The following PRKG1 variants were observed in gnomAD, a reference collection of about 807,000 sequenced individuals.
The protein encoded by PRKG1 is cGMP-dependent protein kinase 1.
Under a neutral mutation model 88.1 loss-of-function variants are expected in PRKG1, and 35 were observed. That is an observed-to-expected ratio of 0.40 (90% CI 0.30 to 0.53). PRKG1 has a LOEUF of 0.53. PRKG1 is among the 20% of genes least tolerant of loss of function. The pLI, the probability that PRKG1 is intolerant of heterozygous loss-of-function variation, is 0.59. For missense variants in PRKG1, 540 were observed against 839.8 expected, an observed-to-expected ratio of 0.64 and a Z score of 4.41; for synonymous variants, 303 against 292.5, an observed-to-expected ratio of 1.04 and a Z score of -0.37.
intron 14 of PRKG1, among the ~76,000 whole-genome samples, chr10:52,287,365 C>T (rs1842139873): frequency 6.6e-6 from 1 of 151,822 alleles, no homozygotes; most frequent in African/African-American, 2.4e-5. Flanking sequence ...AAGCATTTTT[C>T]ACAGAAAATC....
At chr10:51,801,805 G>A (rs1410905261) in intron 3 of PRKG1, among the ~76,000 whole-genome samples, 2 of 152,088 alleles carry the variant, frequency 1.3e-5, no homozygotes, top group African/African-American at 2.4e-5. Context: ...GTGTTTAGAG[G>A]TCTCAGAGTA....
chr10:52,266,537 A>C (rs1841575082), intron 10 of PRKG1, among the ~76,000 whole-genome samples: 1 of 152,056 alleles, frequency 6.6e-6, no homozygotes. Context: ...ATGTCCCTGC[A>C]AAAGCACATG....
chr10:51,181,330 T>C lies in PRKG1; in HGVS notation c.478+28000T>C, dbSNP rs536464121. 1.9e-3 allele frequency among the ~76,000 whole-genome samples: 259 copies of C among 139,570 alleles called. 3 individuals are homozygous for C. Among genetic ancestry groups the C allele is most frequent in the African/African-American group, 6.9e-3 (257 of 37,384 alleles). 91.6% of individuals were successfully genotyped at this position (139,570 alleles called of 152,430 possible). On this transcript the variant is annotated intron_variant, in intron 2 of 17. Coordinates refer to ENST00000373980, the MANE Select transcript of PRKG1 (RefSeq NM_006258.4). Reference sequence around the variant, plus strand: ...AATCTCGGCTCACTGCAAGCTCCGCTTCCCGGGTTCACGCCATTCTCCTGC... The same window carrying C: ...AATCTCGGCTCACTGCAAGCTCCGCCTCCCGGGTTCACGCCATTCTCCTGC...
intron 3 of PRKG1, among the ~76,000 whole-genome samples, chr10:51,795,272 A>G (rs1044977712): frequency 6.6e-6 from 1 of 152,128 alleles, no homozygotes; most frequent in East Asian, 1.9e-4. Context: ...ACTCCCTTCC[A>G]ATGTATGAAT....
At chr10:52,121,416 C>G (rs143235530) in intron 7 of PRKG1, among the ~76,000 whole-genome samples, 49 of 152,278 alleles carry the variant, frequency 3.2e-4, no homozygotes, top group African/African-American at 1.2e-3. Flanking sequence ...GTTTACATGG[C>G]CAGTCTGAGA....
At chr10:52,000,030 T>G (rs1268632083) in intron 5 of PRKG1, among the ~76,000 whole-genome samples, 2 of 152,134 alleles carry the variant, frequency 1.3e-5, no homozygotes, top group Non-Finnish European at 2.9e-5. Flanking sequence ...TTCTGATTTT[T>G]TAATGCATTT....
chr10:52,205,601 G>T (rs1589698854), intron 9 of PRKG1, among the ~76,000 whole-genome samples: 1 of 152,100 alleles, frequency 6.6e-6, no homozygotes, highest in Non-Finnish European at 1.5e-5. Context: ...TGTAAGGCAG[G>T]TCTGCTAGTA....
chr10:52,150,248 A>C (rs11000970), intron 8 of PRKG1, among the ~76,000 whole-genome samples: 8,712 of 151,666 alleles, frequency 0.057, 511 homozygotes, highest in East Asian at 0.35. Flanking sequence ...ACCAAATCTT[A>C]GACACAACTA....
At chr10:51,659,228 G>C (rs1840235736) in intron 3 of PRKG1, among the ~76,000 whole-genome samples, 1 of 152,054 alleles carries the variant, frequency 6.6e-6, no homozygotes, top group Non-Finnish European at 1.5e-5. Flanking sequence ...TAGAGAACAA[G>C]CATAAATATA....
At chr10:52,176,473 C>T (rs936354823) in intron 9 of PRKG1, among the ~76,000 whole-genome samples, 1 of 151,868 alleles carries the variant, frequency 6.6e-6, no homozygotes, top group African/African-American at 2.4e-5. Context: ...CACCCTACCA[C>T]CCACCACCAG....
intron 2 of PRKG1, among the ~76,000 whole-genome samples, chr10:51,305,921 TC>T (rs1265358674): frequency 6.6e-6 from 1 of 152,180 alleles, no homozygotes; most frequent in Non-Finnish European, 1.5e-5. Context: ...TTGAATATGT[TC>T]AATTTCTGTC....
intron 5 of PRKG1, among the ~76,000 whole-genome samples, chr10:52,006,100 C>A (rs550410251): frequency 0.086 from 12,961 of 150,058 alleles, 794 homozygotes; most frequent in Non-Finnish European, 0.13. Context: ...AACAAACAAA[C>A]AAAAAAAACA....
Position 51,012,419 on chromosome 10 carries a change from C to T in PRKG1, c.266+20775C>T, listed in dbSNP as rs148252295. On this transcript the variant is annotated intron_variant, in intron 1 of 17. Transcript: ENST00000401604. ...TTTATCCATTCAGTACTTCTATCCC[C>T]TCTACAAGCATCATATTAAGTAGTC... 7.6e-4 allele frequency among the ~76,000 whole-genome samples: 116 copies of T among 152,306 alleles called. 2 individuals carry two copies. In the East Asian group the frequency reaches 0.017, roughly 22 times the overall value.
chr10:51,359,759 G>A (rs987275319), intron 2 of PRKG1, among the ~76,000 whole-genome samples: 3 of 151,878 alleles, frequency 2.0e-5, no homozygotes, highest in African/African-American at 7.2e-5. Flanking sequence ...AGGCAGGTGT[G>A]TAAAAAGCAA....
chr10:51,370,128 A>C (rs1465772231), intron 2 of PRKG1, among the ~76,000 whole-genome samples: 1 of 152,082 alleles, frequency 6.6e-6, no homozygotes, highest in Non-Finnish European at 1.5e-5. Context: ...AGAGTGAGTC[A>C]CTGGGTGACT....
intron 1 of PRKG1, among the ~76,000 whole-genome samples, chr10:51,036,993 C>A (rs1261034324): frequency 6.6e-6 from 1 of 152,140 alleles, no homozygotes; most frequent in African/African-American, 2.4e-5. Context: ...TTAACAAATT[C>A]TAAATTTTCT....
intron 9 of PRKG1, among the ~76,000 whole-genome samples, chr10:52,194,046 ATAAC>A (rs549660398): frequency 6.7e-4 from 102 of 152,310 alleles, no homozygotes; most frequent in African/African-American, 2.4e-3. Flanking sequence ...AATGTAATAA[ATAAC>A]TAGTTCTTTT....
upstream of PRKG1, among the ~76,000 whole-genome samples, chr10:51,072,482 A>C (rs1016167861): frequency 6.6e-6 from 1 of 152,150 alleles, no homozygotes. Context: ...ACAGTGAGTT[A>C]TACAAAGTCA....
Position 51,666,180 on chromosome 10 carries a change from A to T in PRKG1, c.593-138405A>T, listed in dbSNP as rs76930541. ...TGACATCCGTATTATGTGTCCTGTG[A>T]CTCCAGCCCTAGCTCCCCTTTATTC... On this transcript the variant is annotated intron_variant, in intron 3 of 17. Transcript: ENST00000373980. Among the ~76,000 whole-genome samples the T allele has an allele frequency of 5.6e-3, 846 of 152,152 alleles. 27 individuals carry two copies. The East Asian group carries it at 0.091, about 16-fold the overall frequency.
Sources: allele counts gnomAD v4.1 joint callset (sites outside exome capture counted in the v4.1 genomes callset), GRCh38; gene constraint gnomAD v4.1.1; transcripts MANE v1.5; gene names NCBI Gene and HGNC (gene_info 2026-07-23, HGNC 2026-07-21).